KIF1B: variants seen among roughly 807,000 people sequenced by gnomAD.
KIF1B encodes the protein kinesin family member 1B, also known as kinesin-like protein KIF1B.
In KIF1B, 76 loss-of-function variants were observed where a neutral mutation model predicts 241.9. The observed-to-expected ratio is 0.31, with a 90% CI of 0.26 to 0.38. The LOEUF (loss-of-function observed/expected upper bound fraction) is 0.38. Among genes scored for constraint, KIF1B ranks in the 10% least tolerant of loss-of-function variants. The pLI is 1.00. For missense variants in KIF1B, 1,622 were observed against 2,271.4 expected (o/e 0.71, Z 5.81); for synonymous variants, 750 against 796.7 (o/e 0.94, Z 0.99).
chr1:10,265,321 A>C (rs1326730349), intron 5 of KIF1B, among the ~76,000 whole-genome samples: 1 of 151,354 alleles, frequency 6.6e-6, no homozygotes, highest in African/African-American at 2.4e-5. Context: ...TGCATCCCCA[A>C]CCTCCTGGGC....
chr1:10,339,762 T>TA lies in KIF1B; in HGVS notation c.3423-6dup. 2 of 1,613,604 alleles carry TA rather than the reference T, an allele frequency of 1.2e-6. No homozygotes were observed. The highest frequency in any genetic ancestry group is 1.7e-6 in the Non-Finnish European group (2 of 1,179,600). On this transcript the variant is annotated splice_polypyrimidine_tract_variant and splice_region_variant and intron_variant, in intron 31 of 48. Coordinates refer to ENST00000676179, the MANE Select transcript of KIF1B (RefSeq NM_001365951.3). ...TGTTCACGAGTCTTTTTATTTTTTT[T>TA]ATGAAGCTTTTTGCATCGCCATGAT...
intron 34 of KIF1B, among the ~76,000 whole-genome samples, chr1:10,343,635 G>A (rs1652481591): frequency 6.6e-6 from 1 of 152,138 alleles, no homozygotes; most frequent in Admixed American, 6.6e-5. Context: ...GCACACGCCT[G>A]TAATCCCAGC....
chr1:10,365,253 G>GGGGC lies in KIF1B; in HGVS notation c.4512+9_4512+12dup. 6.2e-7 allele frequency: 1 copy of GGGGC among 1,613,954 alleles called. No homozygotes were observed. The highest frequency in any genetic ancestry group is 8.5e-7 in the Non-Finnish European group (1 of 1,179,944). ...CTGGAGCTCCTACATGAGGTATCCA[G>GGGGC]GGGCAGGGTTGTTCAGATGCAAGAA... On this transcript the variant is annotated intron_variant, in intron 42 of 48. Coordinates refer to ENST00000676179, the MANE Select transcript of KIF1B (RefSeq NM_001365951.3). The surrounding 1 kb of genome is among the most constrained non-coding windows in gnomAD (Gnocchi z 4.0).
At chr1:10,261,130 C>G (rs1468880816) in intron 4 of KIF1B, among the ~76,000 whole-genome samples, 1 of 150,316 alleles carries the variant, frequency 6.7e-6, no homozygotes, top group East Asian at 2.0e-4. Context: ...CCACGTCTGG[C>G]TAATTTTTGT....
chr1:10,354,614 AT>A lies in KIF1B; in HGVS notation c.4055+1881del. Among the ~76,000 whole-genome samples, 2 of 152,298 alleles carry A rather than the reference AT, an allele frequency of 1.3e-5. 1 individual carries two copies. The highest frequency in any genetic ancestry group is 4.1e-4 in the South Asian group (2 of 4,826). The stretch of plus-strand genomic sequence containing the variant: ...GAACAAAAATTATTTATGTTTTCAT[AT>A]TTCATTGATTTGCCTAATGTTTAAT... On this transcript the variant is annotated intron_variant, in intron 38 of 48. Coordinates refer to ENST00000676179, the MANE Select transcript of KIF1B (RefSeq NM_001365951.3).
chr1:10,282,905 G>A (rs9660019), intron 15 of KIF1B, among the ~76,000 whole-genome samples: 1,645 of 151,536 alleles, frequency 0.011, 36 homozygotes, highest in African/African-American at 0.038. Flanking sequence ...CCATGCTTCT[G>A]TTAATAAAGA....
At chr1:10,292,859 A>G (rs1650070342) in intron 17 of KIF1B, among the ~76,000 whole-genome samples, 1 of 152,242 alleles carries the variant, frequency 6.6e-6, no homozygotes, top group Non-Finnish European at 1.5e-5. Context: ...ATATCGATGT[A>G]CAAAGCATGT....
chr1:10,376,052 C>T (rs930106563), intron 48 of KIF1B, among the ~76,000 whole-genome samples: 2 of 151,962 alleles, frequency 1.3e-5, no homozygotes, highest in African/African-American at 4.8e-5. Context: ...ATCCACCCTC[C>T]TCGGCCTCCC....
At chr1:10,257,173 C>G (rs1339235280) in intron 3 of KIF1B, among the ~76,000 whole-genome samples, 1 of 151,490 alleles carries the variant, frequency 6.6e-6, no homozygotes, top group African/African-American at 2.4e-5. Flanking sequence ...CCTGATCCAC[C>G]TGCCTCGACC....
At chr1:10,222,994 C>A (rs1646864411) in intron 1 of KIF1B, among the ~76,000 whole-genome samples, 1 of 152,190 alleles carries the variant, frequency 6.6e-6, no homozygotes, top group South Asian at 2.1e-4. Context: ...TGGCTCACGC[C>A]TGTAATCCCA....
At chr1:10,346,012 A>G (rs775307683) in intron 35 of KIF1B, 59 bp downstream of exon 35, 30 of 1,065,050 alleles carry the variant, frequency 2.8e-5, no homozygotes, top group African/African-American at 3.1e-5. Flanking sequence ...AGGAAATGCA[A>G]TTTTGAATCT....
intron 2 of KIF1B, among the ~76,000 whole-genome samples, chr1:10,239,141 T>C (rs1300668126): frequency 6.6e-6 from 1 of 151,998 alleles, no homozygotes; most frequent in Non-Finnish European, 1.5e-5. Context: ...TAGAGAGAGT[T>C]TCTACAAAAA....
chr1:10,229,980 A>G (rs1646959831), intron 1 of KIF1B, among the ~76,000 whole-genome samples: 2 of 151,920 alleles, frequency 1.3e-5, no homozygotes, highest in Non-Finnish European at 2.9e-5. Flanking sequence ...TTGAGAACAG[A>G]CTGGGCAACA....
At chr1:10,299,389 T>G (rs1650429969) in intron 22 of KIF1B, among the ~76,000 whole-genome samples, 1 of 152,162 alleles carries the variant, frequency 6.6e-6, no homozygotes, top group South Asian at 2.1e-4. Flanking sequence ...CTCTCAAAGG[T>G]CTGTCTGTTC....
chr1:10,277,915 T>C, intron 12 of KIF1B, 71 bp from the exon 13 acceptor site: 1 of 1,326,512 alleles, frequency 7.5e-7, no homozygotes, highest in African/African-American at 1.5e-5. Flanking sequence ...GATTTAGAGA[T>C]AATAGTATGT....
intron 34 of KIF1B, among the ~76,000 whole-genome samples, chr1:10,344,430 T>A (rs780034621): frequency 6.6e-6 from 1 of 152,216 alleles, no homozygotes; most frequent in Non-Finnish European, 1.5e-5. Context: ...ATTTTCAAGG[T>A]TGTATCACAT....
At chr1:10,366,738 C>T (rs1444271056) in intron 43 of KIF1B, among the ~76,000 whole-genome samples, 3 of 152,002 alleles carry the variant, frequency 2.0e-5, no homozygotes, top group Admixed American at 6.6e-5. Flanking sequence ...TTTGAGAGGC[C>T]GAGGCAGGTG....
chr1:10,298,370 A>C (rs534564159), intron 22 of KIF1B, among the ~76,000 whole-genome samples: 1 of 152,208 alleles, frequency 6.6e-6, no homozygotes, highest in South Asian at 2.1e-4. Flanking sequence ...AGCACAAGCA[A>C]CCTTTTCCAG....
chr1:10,341,089 A>G (rs1250557308), intron 32 of KIF1B, among the ~76,000 whole-genome samples: 2 of 152,288 alleles, frequency 1.3e-5, no homozygotes, highest in Non-Finnish European at 2.9e-5. Context: ...CAACTGGGGA[A>G]TGCAGATGAA....
Sources: allele counts gnomAD v4.1 joint callset (sites outside exome capture counted in the v4.1 genomes callset), GRCh38; gene constraint gnomAD v4.1.1; non-coding constraint Gnocchi (gnomAD v3.1); transcripts MANE v1.5; gene names NCBI Gene and HGNC (gene_info 2026-07-23, HGNC 2026-07-21).